Variants in EPB41L5 observed in about 807,000 individuals in gnomAD.
EPB41L5 encodes band 4.1-like protein 5.
In EPB41L5, 55 loss-of-function variants were observed where a neutral mutation model predicts 106.6. The observed-to-expected ratio is 0.52, with a 90% CI of 0.42 to 0.65. The LOEUF (loss-of-function observed/expected upper bound fraction) is 0.65. Ranked by LOEUF, EPB41L5 falls within the 30% of genes least tolerant of loss-of-function variation. The pLI is 0.00. For synonymous variants in EPB41L5, 297 were observed against 306.7 expected (o/e 0.97, Z 0.33); for missense variants, 871 against 882.1 (o/e 0.99, Z 0.16).
intron 16 of EPB41L5, among the ~76,000 whole-genome samples, chr2:120,119,633 C>T (rs1685117518): frequency 6.6e-6 from 1 of 150,872 alleles, no homozygotes; most frequent in African/African-American, 2.4e-5. Context: ...ATTTCTTTCT[C>T]TTTTTTTTTA....
At chr2:120,082,103 C>G (rs918265617) in intron 10 of EPB41L5, among the ~76,000 whole-genome samples, 1 of 152,128 alleles carries the variant, frequency 6.6e-6, no homozygotes, top group Non-Finnish European at 1.5e-5. Context: ...GCCTTTATTT[C>G]TTTCTCCTGC....
At chr2:120,144,859 C>A (rs1196111372) in intron 19 of EPB41L5, among the ~76,000 whole-genome samples, 3 of 152,186 alleles carry the variant, frequency 2.0e-5, no homozygotes, top group Non-Finnish European at 4.4e-5. Flanking sequence ...GTTTATCATT[C>A]AAAACCCAAG....
chr2:120,096,547 T>C (rs1683768149), intron 14 of EPB41L5, among the ~76,000 whole-genome samples: 1 of 152,166 alleles, frequency 6.6e-6, no homozygotes, highest in Non-Finnish European at 1.5e-5. Flanking sequence ...CCTAACACTT[T>C]GGGAGGCCAA....
intron 13 of EPB41L5, among the ~76,000 whole-genome samples, chr2:120,092,486 G>GA (rs1202040656): frequency 6.6e-6 from 1 of 152,036 alleles, no homozygotes; most frequent in Non-Finnish European, 1.5e-5. Context: ...AGTTATATAA[G>GA]AAAAAGCACT....
chr2:120,039,601 G>A (rs1032052348), intron 2 of EPB41L5, among the ~76,000 whole-genome samples: 16 of 151,992 alleles, frequency 1.1e-4, no homozygotes, highest in Admixed American at 3.3e-4. Flanking sequence ...CAAGTTGGGC[G>A]GATCACCTGA....
intron 3 of EPB41L5, among the ~76,000 whole-genome samples, chr2:120,070,108 A>T (rs1363766262): frequency 6.6e-6 from 1 of 152,228 alleles, no homozygotes; most frequent in Non-Finnish European, 1.5e-5. Context: ...AGAAGAAAAT[A>T]GAGAATAATC....
At chr2:120,098,057 A>G (rs183280994) in intron 14 of EPB41L5, among the ~76,000 whole-genome samples, 1 of 152,174 alleles carries the variant, frequency 6.6e-6, no homozygotes, top group East Asian at 1.9e-4. Context: ...GATCATGGGT[A>G]TTCTAGGAAG....
At chr2:120,020,200 A>G (rs1406319939) in intron 2 of EPB41L5, among the ~76,000 whole-genome samples, 1 of 152,182 alleles carries the variant, frequency 6.6e-6, no homozygotes, top group Admixed American at 6.6e-5. Context: ...TTTTTAGTAC[A>G]CACTCATCTA....
At chr2:120,104,717 C>T (rs749054571) in intron 16 of EPB41L5, 12 of 948,162 alleles carry the variant, frequency 1.3e-5, no homozygotes, top group Non-Finnish European at 1.5e-5. Flanking sequence ...TTTAATATGT[C>T]TAAAGTGACA....
In EPB41L5 at chr2:120,124,412, A is replaced by G. The variant is rs375572613; in HGVS notation, c.1338-3276A>G. On this transcript the variant is annotated intron_variant, in intron 16 of 24. Coordinates refer to ENST00000263713, the MANE Select transcript of EPB41L5 (RefSeq NM_020909.4). The stretch of plus-strand genomic sequence containing the variant: ...TCAGACCTACAGAAAAGTTGAATGA[A>G]TGGTGGGTGAATAACCATATGCCCT... Among the ~76,000 whole-genome samples, 6 of 152,222 alleles carry G rather than the reference A, an allele frequency of 3.9e-5. No homozygotes were observed. In the East Asian group the frequency reaches 7.7e-4, roughly 20 times the overall value.
At chr2:120,036,226 G>A (rs1679030705) in intron 2 of EPB41L5, among the ~76,000 whole-genome samples, 1 of 152,168 alleles carries the variant, frequency 6.6e-6, no homozygotes, top group African/African-American at 2.4e-5. Context: ...CTCTTAGAGA[G>A]CAGTGAATTA....
intron 1 of EPB41L5, among the ~76,000 whole-genome samples, chr2:120,015,826 C>G (rs564442858): frequency 6.6e-6 from 1 of 150,466 alleles, no homozygotes; most frequent in Admixed American, 6.6e-5. Flanking sequence ...GGTATGTGCC[C>G]GTAGCCCTAG....
At chr2:120,098,189 T>TGTGTGTGTGTGTGTG (rs1553506367) in intron 14 of EPB41L5, among the ~76,000 whole-genome samples, 2 of 150,448 alleles carry the variant, frequency 1.3e-5, no homozygotes, top group Admixed American at 6.6e-5. Flanking sequence ...TGTGTGTGTG[T>TGTGTGTGTGTGTGTG]TTTGGTGGGG....
intron 16 of EPB41L5, among the ~76,000 whole-genome samples, chr2:120,110,965 C>T (rs1254180845): frequency 6.6e-6 from 1 of 152,114 alleles, no homozygotes; most frequent in African/African-American, 2.4e-5. Context: ...ACTCCACATA[C>T]ATTCCATAAC....
At chr2:120,155,468 T>G (rs1443211915) in intron 20 of EPB41L5, among the ~76,000 whole-genome samples, 1 of 152,190 alleles carries the variant, frequency 6.6e-6, no homozygotes, top group Admixed American at 6.5e-5. Flanking sequence ...TTAATTAATA[T>G]GTCTGTTGGG....
intron 2 of EPB41L5, among the ~76,000 whole-genome samples, chr2:120,025,860 GAC>G (rs1678272515): frequency 6.6e-6 from 1 of 152,050 alleles, no homozygotes; most frequent in South Asian, 2.1e-4. Context: ...TAACTAAGAG[GAC>G]ACACACTTCC....
chr2:120,017,765 T>C (rs1259583289), intron 1 of EPB41L5, among the ~76,000 whole-genome samples: 1 of 152,184 alleles, frequency 6.6e-6, no homozygotes, highest in African/African-American at 2.4e-5. Flanking sequence ...TGTTTTTGTG[T>C]TTTTATTATG....
At chr2:120,082,864 C>G (rs1032626517) in intron 10 of EPB41L5, among the ~76,000 whole-genome samples, 5 of 151,982 alleles carry the variant, frequency 3.3e-5, no homozygotes, top group African/African-American at 1.2e-4. Flanking sequence ...ATTTATCCGT[C>G]TATTCTAGAT....
At chr2:120,145,378 G>C (rs1165102182) in intron 19 of EPB41L5, among the ~76,000 whole-genome samples, 1 of 152,180 alleles carries the variant, frequency 6.6e-6, no homozygotes, top group East Asian at 1.9e-4. Flanking sequence ...TTAGTGATTT[G>C]TACAACAACA....
Sources: allele counts gnomAD v4.1 joint callset (sites outside exome capture counted in the v4.1 genomes callset), GRCh38; gene constraint gnomAD v4.1.1; transcripts MANE v1.5; gene names NCBI Gene and HGNC (gene_info 2026-07-23, HGNC 2026-07-21).